RUNDC3B: variants seen among roughly 807,000 people sequenced by gnomAD.
RUNDC3B encodes RUN domain-containing protein 3B.
A neutral mutation model predicts 58.4 loss-of-function variants in RUNDC3B; 33 were observed. The ratio of observed to expected loss-of-function variants is 0.56; its 90% CI spans 0.43 to 0.75. The LOEUF (loss-of-function observed/expected upper bound fraction) is 0.75. Among genes scored for constraint, RUNDC3B ranks in the 30% least tolerant of loss-of-function variants. The pLI is 0.00. For missense variants in RUNDC3B, 501 were observed against 535.7 expected (o/e 0.94, Z 0.64); for synonymous variants, 193 against 195.2 (o/e 0.99, Z 0.10).
intron 2 of RUNDC3B, among the ~76,000 whole-genome samples, chr7:87,686,905 C>A (rs1157970613): frequency 1.3e-5 from 2 of 150,302 alleles, no homozygotes; most frequent in African/African-American, 4.9e-5. Flanking sequence ...ATGATTGTGC[C>A]ACTCCACTCC....
rs1020988460 is a variant in RUNDC3B at position 87,809,247 on chromosome 7, C to T, written c.1103+1728C>T. 8.5e-5 allele frequency among the ~76,000 whole-genome samples: 13 copies of T among 152,254 alleles called. No homozygotes were observed. The South Asian group carries it at 2.5e-3, about 29-fold the overall frequency. ...CTTCTTGACTCAGTTATTCCACCAA[C>T]TTAAGAAGGGGCATCCTAGCATCAT... On this transcript the variant is annotated intron_variant, in intron 9 of 10. Coordinates refer to ENST00000394654, the MANE Select transcript of RUNDC3B (RefSeq NM_001134405.2).
intron 1 of RUNDC3B, among the ~76,000 whole-genome samples, chr7:87,633,867 G>T (rs1303155888): frequency 1.3e-5 from 2 of 152,054 alleles, no homozygotes; most frequent in East Asian, 3.9e-4. Flanking sequence ...GTTTTGTGTT[G>T]CTATAAAGGA....
chr7:87,731,922 A>G (rs1358616532), intron 4 of RUNDC3B, among the ~76,000 whole-genome samples: 1 of 152,332 alleles, frequency 6.6e-6, no homozygotes, highest in Middle Eastern at 3.4e-3. Flanking sequence ...AATGGACCTA[A>G]TAGATGTTGC....
intron 3 of RUNDC3B, among the ~76,000 whole-genome samples, chr7:87,708,068 G>A (rs1368702016): frequency 6.6e-6 from 1 of 151,624 alleles, no homozygotes; most frequent in Non-Finnish European, 1.5e-5. Flanking sequence ...AATAGAGGCT[G>A]GAAATTGGTT....
chr7:87,762,445 A>G (rs7779623), intron 6 of RUNDC3B, among the ~76,000 whole-genome samples: 94,849 of 150,920 alleles, frequency 0.63, 31,731 homozygotes, highest in African/African-American at 0.88. Flanking sequence ...TAAAGTCTAT[A>G]AAATAGACTT....
At chr7:87,734,862 A>T (rs1367178069) in intron 4 of RUNDC3B, among the ~76,000 whole-genome samples, 1 of 152,226 alleles carries the variant, frequency 6.6e-6, no homozygotes, top group Non-Finnish European at 1.5e-5. Flanking sequence ...CCTTTAAGTT[A>T]TACAACATTC....
chr7:87,691,254 C>A (rs1448195967), intron 2 of RUNDC3B, among the ~76,000 whole-genome samples: 1 of 152,080 alleles, frequency 6.6e-6, no homozygotes, highest in Non-Finnish European at 1.5e-5. Flanking sequence ...TTGAAAAGTA[C>A]ATACTTCTTG....
At chr7:87,769,613 A>G (rs1484278813) in intron 6 of RUNDC3B, among the ~76,000 whole-genome samples, 2 of 151,940 alleles carry the variant, frequency 1.3e-5, no homozygotes, top group African/African-American at 2.4e-5. Flanking sequence ...TTTATTTTTA[A>G]GTATATTAAC....
intron 8 of RUNDC3B, among the ~76,000 whole-genome samples, chr7:87,792,886 A>G (rs956991307): frequency 7.2e-5 from 11 of 152,086 alleles, no homozygotes; most frequent in Non-Finnish European, 1.6e-4. Context: ...AATGAAAACT[A>G]TACAAAAGAC....
intron 8 of RUNDC3B, among the ~76,000 whole-genome samples, chr7:87,782,050 A>T (rs1276848750): frequency 6.6e-6 from 1 of 152,142 alleles, no homozygotes; most frequent in East Asian, 1.9e-4. Context: ...TTTCAGTAGG[A>T]TTGACACCAG....
intron 2 of RUNDC3B, among the ~76,000 whole-genome samples, chr7:87,687,958 G>T (rs554739454): frequency 2.2e-4 from 34 of 152,168 alleles, no homozygotes; most frequent in African/African-American, 7.0e-4. Context: ...TCCAACTTTT[G>T]TTGGAAAATG....
chr7:87,728,408 G>T (rs1049983519), intron 4 of RUNDC3B, among the ~76,000 whole-genome samples: 4 of 152,186 alleles, frequency 2.6e-5, no homozygotes, highest in African/African-American at 9.7e-5. Context: ...CACAAACTTA[G>T]TGGCTTAAAA....
At chr7:87,712,198 G>T (rs1830147581) in intron 4 of RUNDC3B, among the ~76,000 whole-genome samples, 1 of 152,014 alleles carries the variant, frequency 6.6e-6, no homozygotes, top group East Asian at 1.9e-4. Context: ...AGAAATATTT[G>T]CATAAAGTAA....
At chr7:87,797,418 A>G (rs1302815870) in intron 8 of RUNDC3B, among the ~76,000 whole-genome samples, 5 of 152,278 alleles carry the variant, frequency 3.3e-5, no homozygotes, top group African/African-American at 1.2e-4. Context: ...TGTGGACTTC[A>G]CATTGTATCA....
At chr7:87,820,654 A>C (rs1837367901) in intron 10 of RUNDC3B, among the ~76,000 whole-genome samples, 1 of 152,170 alleles carries the variant, frequency 6.6e-6, no homozygotes, top group Non-Finnish European at 1.5e-5. Context: ...ATACTAGCAA[A>C]CCGAATCCAG....
chr7:87,802,068 A>G (rs530452137), intron 8 of RUNDC3B, among the ~76,000 whole-genome samples: 65 of 152,316 alleles, frequency 4.3e-4, no homozygotes, highest in Admixed American at 9.8e-4. Context: ...ATTATATTGT[A>G]TTGCATTGTA....
chr7:87,775,931 A>T (rs1429714866), intron 7 of RUNDC3B, among the ~76,000 whole-genome samples: 18 of 152,190 alleles, frequency 1.2e-4, no homozygotes, highest in Non-Finnish European at 2.4e-4. Context: ...CTCAGAACAT[A>T]TCCCCATCAT....
intron 1 of RUNDC3B, among the ~76,000 whole-genome samples, chr7:87,632,467 T>C (rs1454173089): frequency 1.3e-5 from 2 of 152,234 alleles, no homozygotes; most frequent in African/African-American, 4.8e-5. Context: ...AGATAAGTAC[T>C]GTTTTTTCAT....
chr7:87,640,535 G>A (rs933148016), intron 1 of RUNDC3B, among the ~76,000 whole-genome samples: 2 of 151,924 alleles, frequency 1.3e-5, no homozygotes, highest in Non-Finnish European at 2.9e-5. Flanking sequence ...TGTAGATATA[G>A]GATCTGGCTA....
Sources: allele counts gnomAD v4.1 joint callset (sites outside exome capture counted in the v4.1 genomes callset), GRCh38; gene constraint gnomAD v4.1.1; transcripts MANE v1.5; gene names NCBI Gene and HGNC (gene_info 2026-07-23, HGNC 2026-07-21).